LSAMP: variants seen among roughly 807,000 people sequenced by gnomAD.
LSAMP encodes the protein limbic system associated membrane protein, also known as limbic system-associated membrane protein.
In LSAMP, 7 loss-of-function variants were observed where a neutral mutation model predicts 38.6. The observed-to-expected ratio is 0.18, with a 90% CI of 0.10 to 0.34. LSAMP has a LOEUF of 0.34. Among genes scored for constraint, LSAMP ranks in the 10% least tolerant of loss-of-function variants. LSAMP has a pLI of 1.00. For synonymous variants in LSAMP, 154 were observed against 166.8 expected, an observed-to-expected ratio of 0.92 and a Z score of 0.59; for missense variants, 313 against 420.0, an observed-to-expected ratio of 0.75 and a Z score of 2.23.
chr3:116,109,256 C>T (rs925410689), intron 1 of LSAMP, among the ~76,000 whole-genome samples: 2 of 151,972 alleles, frequency 1.3e-5, no homozygotes, highest in Admixed American at 6.6e-5. Context: ...GGCTAGTCAC[C>T]GAACGAAACT....
chr3:116,334,017 A>G (rs1341342810), intron 1 of LSAMP, among the ~76,000 whole-genome samples: 3 of 151,934 alleles, frequency 2.0e-5, no homozygotes, highest in Non-Finnish European at 2.9e-5. Flanking sequence ...ACTAAGAAAA[A>G]AGAGAAAAGA....
chr3:116,169,055 A>G (rs1034062889), intron 1 of LSAMP, among the ~76,000 whole-genome samples: 8 of 152,126 alleles, frequency 5.3e-5, no homozygotes, highest in Non-Finnish European at 8.8e-5. Flanking sequence ...TTAAAAAACA[A>G]TTAACTGCAT....
intron 1 of LSAMP, among the ~76,000 whole-genome samples, chr3:116,386,220 G>A (rs905712626): frequency 6.6e-5 from 10 of 152,080 alleles, no homozygotes; most frequent in Non-Finnish European, 8.8e-5. Flanking sequence ...AGTCAAAGGG[G>A]TATCTGAGAA....
At chr3:116,166,933 G>A (rs1485477919) in intron 1 of LSAMP, among the ~76,000 whole-genome samples, 5 of 151,680 alleles carry the variant, frequency 3.3e-5, no homozygotes, top group African/African-American at 1.2e-4. Flanking sequence ...TAGGACTACA[G>A]GCGCCCGCCA....
chr3:116,292,099 A>G (rs2047274214), intron 1 of LSAMP, among the ~76,000 whole-genome samples: 1 of 152,214 alleles, frequency 6.6e-6, no homozygotes, highest in Non-Finnish European at 1.5e-5. Context: ...GAGTTAATTT[A>G]AAATTTATCT....
Position 116,113,313 on chromosome 3 carries a change from A to G in LSAMP, c.156-26757T>C, listed in dbSNP as rs1576370831. Among the ~76,000 whole-genome samples, 4 of 150,624 alleles carry G rather than the reference A, an allele frequency of 2.7e-5. No homozygotes were observed. The Middle Eastern group carries it at 0.01, about 390-fold the overall frequency. ...TCTTTATCCCAAGTCACACCCTACCATTCATCCTCTGTAAAACAACAAACT... is the reference window on the plus strand; with the variant it reads ...TCTTTATCCCAAGTCACACCCTACCGTTCATCCTCTGTAAAACAACAAACT... On this transcript the variant is annotated intron_variant, in intron 1 of 6. Transcript: ENST00000490035.
chr3:116,011,368 G>A (rs1325470551), intron 3 of LSAMP, among the ~76,000 whole-genome samples: 1 of 152,164 alleles, frequency 6.6e-6, no homozygotes, highest in Non-Finnish European at 1.5e-5. Context: ...GTACGAATGA[G>A]ATAAGCAGTC....
At chr3:116,258,702 G>GT (rs917568688) in intron 1 of LSAMP, among the ~76,000 whole-genome samples, 5 of 152,086 alleles carry the variant, frequency 3.3e-5, no homozygotes, top group African/African-American at 1.2e-4. Context: ...TTAAAATCAT[G>GT]TGTTTGCCCT....
At chr3:116,001,936 A>G (rs1204175385) in intron 3 of LSAMP, among the ~76,000 whole-genome samples, 1 of 152,188 alleles carries the variant, frequency 6.6e-6, no homozygotes, top group Non-Finnish European at 1.5e-5. Context: ...AGGTTCAAAT[A>G]TAGACATCTT....
intron 2 of LSAMP, among the ~76,000 whole-genome samples, chr3:116,062,020 G>C (rs1941603077): frequency 6.6e-6 from 1 of 152,140 alleles, no homozygotes; most frequent in Admixed American, 6.5e-5. Context: ...ACTAGAAATT[G>C]TGGAAAATGG....
chr3:116,252,375 G>A (rs961865266), intron 1 of LSAMP, among the ~76,000 whole-genome samples: 29 of 152,272 alleles, frequency 1.9e-4, no homozygotes, highest in Non-Finnish European at 3.2e-4. Context: ...TAGACAAAGT[G>A]AGACTTTTCA....
chr3:116,278,754 G>C (rs963903179), intron 1 of LSAMP, among the ~76,000 whole-genome samples: 1 of 152,128 alleles, frequency 6.6e-6, no homozygotes, highest in African/African-American at 2.4e-5. Context: ...GCACATTGCT[G>C]TTGCTCAGTA....
rs1385431912 is a variant in LSAMP, at chr3:116,165,438, G to A, written c.156-78882C>T. On this transcript the variant is annotated intron_variant, in intron 1 of 6. Transcript: ENST00000490035. ...TGCCCTCCAGACCCCCCACCTAGTG[G>A]AGCAATTGGAGGATAAAGAAAGAGA... 2.6e-5 allele frequency among the ~76,000 whole-genome samples: 4 copies of A among 152,270 alleles called. No individual in the cohort carries two copies. In the East Asian group the frequency reaches 5.8e-4, roughly 22 times the overall value.
chr3:115,827,325 ATTTTCTACTGCTTTTTTTTTTTT>A (rs1239717297), intron 6 of LSAMP, among the ~76,000 whole-genome samples: 3 of 132,792 alleles, frequency 2.3e-5, no homozygotes, highest in Non-Finnish European at 4.8e-5. Flanking sequence ...AGGCACGGTT[ATTTTCTACTGCTTTTTTTTTTTT>A]TTTTCTACAG....
In LSAMP at chr3:115,802,885, C is replaced by T. The variant is rs965620013; in HGVS notation, c.*7432G>A. ...TTGCTTCTCTCCCCCTGAATTTCTT[C>T]CCTTTAACCTCCCTACTCCAAGTAA... is the stretch of plus-strand genomic sequence containing the variant. On this transcript the variant is annotated 3_prime_UTR_variant, in exon 7 of 7. Coordinates refer to ENST00000490035, the MANE Select transcript of LSAMP (RefSeq NM_002338.5). The T allele has an allele frequency of 2.5e-4, 38 of 152,066 alleles. 2 individuals carry two copies. The highest frequency in any genetic ancestry group is 4.4e-5 in the Non-Finnish European group (3 of 68,036). 9.4% of individuals were successfully genotyped at this position (152,066 alleles called of 1,614,324 possible). A position where few individuals can be genotyped will look rare whatever the true frequency, so the allele number is the denominator to read the frequency against.
At chr3:115,915,990 C>G (rs1167025362) in intron 3 of LSAMP, among the ~76,000 whole-genome samples, 1 of 152,100 alleles carries the variant, frequency 6.6e-6, no homozygotes, top group African/African-American at 2.4e-5. Flanking sequence ...CCAGAAATGC[C>G]TTGCAAAGGC....
At chr3:116,224,846 T>C (rs75746895) in intron 1 of LSAMP, among the ~76,000 whole-genome samples, 36,381 of 152,192 alleles carry the variant, frequency 0.24, 5,638 homozygotes, top group Middle Eastern at 0.39. Context: ...TCCAAATGAC[T>C]CTCTATTTTG....
At chr3:116,124,278 C>T (rs920074601) in intron 1 of LSAMP, among the ~76,000 whole-genome samples, 1 of 152,054 alleles carries the variant, frequency 6.6e-6, no homozygotes, top group African/African-American at 2.4e-5. Flanking sequence ...GAAGACCTAC[C>T]ATTCATATAT....
intron 1 of LSAMP, among the ~76,000 whole-genome samples, chr3:116,443,104 G>C (rs2049459156): frequency 6.6e-6 from 1 of 152,140 alleles, no homozygotes. Context: ...CTTGTAACCA[G>C]TGAACAAAAT....
Sources: gnomAD v4.1 joint callset for allele counts (sites outside exome capture counted in the v4.1 genomes callset) on GRCh38, gnomAD v4.1.1 for gene constraint, MANE v1.5 for transcripts, NCBI Gene and HGNC (gene_info 2026-07-23, HGNC 2026-07-21) for gene names.